The following DLGAP2 variants were observed in gnomAD, a reference collection of about 807,000 sequenced individuals.
DLGAP2 encodes the protein DLG associated protein 2.
Under a neutral mutation model 100.3 loss-of-function variants are expected in DLGAP2, and 26 were observed. That is an observed-to-expected ratio of 0.26 (90% CI 0.19 to 0.36). The LOEUF (loss-of-function observed/expected upper bound fraction) is 0.36, where lower values mean the gene tolerates loss of function less well. Among genes scored for constraint, DLGAP2 ranks in the 10% least tolerant of loss-of-function variants. DLGAP2 has a pLI of 1.00. For synonymous variants in DLGAP2, 886 were observed against 630.1 expected (o/e 1.41, Z -6.08); for missense variants, 1,858 against 1,453.2 (o/e 1.28, Z -4.53).
At chr8:1,484,977 A>AGGCATTAT (rs1269590424) in intron 3 of DLGAP2, among the ~76,000 whole-genome samples, 1 of 152,228 alleles carries the variant, frequency 6.6e-6, no homozygotes, top group African/African-American at 2.4e-5. Flanking sequence ...GTCAATAAGA[A>AGGCATTAT]GGCATTATCT....
intron 2 of DLGAP2, among the ~76,000 whole-genome samples, chr8:966,136 G>A (rs1381918130): frequency 6.6e-6 from 1 of 152,188 alleles, no homozygotes; most frequent in Non-Finnish European, 1.5e-5. Flanking sequence ...CATCATCCTC[G>A]TTTCTTGCAC....
At chr8:1,017,668 G>A (rs895916487) in intron 2 of DLGAP2, among the ~76,000 whole-genome samples, 7 of 152,044 alleles carry the variant, frequency 4.6e-5, no homozygotes, top group Non-Finnish European at 1.0e-4. Context: ...GTGTGACCAG[G>A]AGCCTTTTGG....
intron 4 of DLGAP2, among the ~76,000 whole-genome samples, chr8:1,529,594 G>T (rs924276078): frequency 1.3e-5 from 2 of 152,178 alleles, no homozygotes; most frequent in Admixed American, 6.5e-5. Flanking sequence ...CAAACCCAAG[G>T]CAGGGACTCG....
chr8:1,253,832 G>A (rs1799108046), intron 2 of DLGAP2, among the ~76,000 whole-genome samples: 1 of 152,194 alleles, frequency 6.6e-6, no homozygotes, highest in Non-Finnish European at 1.5e-5. Flanking sequence ...TTTAATGGGT[G>A]TTCCTTGGGG....
At chr8:878,766 G>C (rs997050372) in intron 1 of DLGAP2, among the ~76,000 whole-genome samples, 4 of 152,218 alleles carry the variant, frequency 2.6e-5, no homozygotes, top group Middle Eastern at 3.4e-3. Flanking sequence ...TCTCCTGTTT[G>C]GCTTCTCTTT....
chr8:845,766 C>G (rs762869532), intron 1 of DLGAP2, among the ~76,000 whole-genome samples: 1 of 152,150 alleles, frequency 6.6e-6, no homozygotes, highest in Non-Finnish European at 1.5e-5. Context: ...ATGCTGTTTT[C>G]TTTTAAGAGT....
chr8:1,549,363 G>C lies in DLGAP2; in HGVS notation c.910G>C (p.Asp304His). The C allele has an allele frequency of 6.2e-7, 1 of 1,613,428 alleles. No homozygotes were observed. The highest frequency in any genetic ancestry group is 1.1e-5 in the South Asian group (1 of 91,078). Residue 304 changes from aspartate to histidine, a missense_variant, in exon 5 of 15, where the codon GAC becomes CAC. Transcript: ENST00000637795. Reference sequence around the variant, plus strand: ...CTGGTGGAGCTCGGACGACAACCTGGACAGCGACAGCACCTATCGGACGCC... The same window carrying C: ...CTGGTGGAGCTCGGACGACAACCTGCACAGCGACAGCACCTATCGGACGCC... ...SSWWSSDDNL[D>H]SDSTYRTPSV...
intron 2 of DLGAP2, among the ~76,000 whole-genome samples, chr8:1,207,102 T>C (rs751912631): frequency 6.6e-6 from 1 of 152,310 alleles, no homozygotes; most frequent in Middle Eastern, 3.4e-3. Context: ...CCTTTTTTAT[T>C]TCAATAGATT....
Position 1,023,857 on chromosome 8 carries a change from ATGTGTGTG to A in DLGAP2, c.73+115927_73+115934del, listed in dbSNP as rs149206104. Among the ~76,000 whole-genome samples, 306 of 128,936 alleles carry A rather than the reference ATGTGTGTG, an allele frequency of 2.4e-3. 5 individuals carry two copies. The highest frequency in any genetic ancestry group is 7.0e-3 in the African/African-American group (247 of 35,196). The allele number at this position is 128,936 out of a possible 152,430, so 84.6% of individuals were successfully genotyped here. A position where few individuals can be genotyped will look rare whatever the true frequency, so the allele number is the denominator to read the frequency against. On this transcript the variant is annotated intron_variant, in intron 2 of 14. Coordinates refer to ENST00000637795, the MANE Select transcript of DLGAP2 (RefSeq NM_001346810.2). ...GTCTGCAAGTGCTCAAACTTTATAT[ATGTGTGTG>A]TGTGTGTGTGTGTGTGTGTGTGTGT...
intron 1 of DLGAP2, among the ~76,000 whole-genome samples, chr8:893,303 T>C (rs1798074229): frequency 1.3e-5 from 2 of 152,150 alleles, no homozygotes; most frequent in Admixed American, 6.5e-5. Context: ...GTCCGACAGC[T>C]AGGAAGGCAG....
At chr8:1,079,330 T>G (rs1389781694) in intron 2 of DLGAP2, among the ~76,000 whole-genome samples, 1 of 152,378 alleles carries the variant, frequency 6.6e-6, no homozygotes, top group South Asian at 2.1e-4. Context: ...AAATATTTTC[T>G]CTCAGTCTAT....
At chr8:1,570,790 A>G (rs1234469956) in intron 6 of DLGAP2, among the ~76,000 whole-genome samples, 3 of 123,736 alleles carry the variant, frequency 2.4e-5, no homozygotes, top group East Asian at 2.5e-4. Context: ...GATGAGATGG[A>G]GAGGAGAGAG....
chr8:1,049,423 C>G (rs540516611), intron 2 of DLGAP2, among the ~76,000 whole-genome samples: 8 of 152,236 alleles, frequency 5.3e-5, no homozygotes, highest in African/African-American at 1.9e-4. Flanking sequence ...TCAGCGGCCA[C>G]TGTTGGAATG....
chr8:1,218,718 A>C (rs538626182), intron 2 of DLGAP2, among the ~76,000 whole-genome samples: 1 of 152,176 alleles, frequency 6.6e-6, no homozygotes, highest in African/African-American at 2.4e-5. Context: ...AATTGCTTTG[A>C]TTAGTATGGC....
intron 8 of DLGAP2, 130 bp from the exon 9 acceptor site, chr8:1,668,199 A>G (rs769897890): frequency 4.4e-4 from 359 of 809,246 alleles, no homozygotes; most frequent in Non-Finnish European, 5.6e-4. Context: ...ATTTCACGCT[A>G]TTTTTTTAGG....
At chr8:846,919 C>T (rs1311751879) in intron 1 of DLGAP2, among the ~76,000 whole-genome samples, 1 of 152,206 alleles carries the variant, frequency 6.6e-6, no homozygotes, top group Non-Finnish European at 1.5e-5. Flanking sequence ...TATCCATCTT[C>T]AGACATGATA....
intron 2 of DLGAP2, among the ~76,000 whole-genome samples, chr8:1,180,637 A>T (rs4610780): frequency 2.6e-5 from 4 of 151,084 alleles, no homozygotes; most frequent in African/African-American, 9.7e-5. Flanking sequence ...CAAGCGTGTC[A>T]GTGTGCAAGG....
intron 1 of DLGAP2, among the ~76,000 whole-genome samples, chr8:762,081 T>C (rs1821101988): frequency 1.3e-5 from 2 of 152,208 alleles, no homozygotes; most frequent in Non-Finnish European, 2.9e-5. Context: ...AAGGCTGTGC[T>C]ATGTAACTGT....
intron 2 of DLGAP2, among the ~76,000 whole-genome samples, chr8:1,245,123 G>A (rs1239038799): frequency 6.6e-6 from 1 of 152,318 alleles, no homozygotes; most frequent in South Asian, 2.1e-4. Flanking sequence ...GGAGAAACTG[G>A]AACCTTCATA....
Sources: allele counts gnomAD v4.1 joint callset (sites outside exome capture counted in the v4.1 genomes callset), GRCh38; gene constraint gnomAD v4.1.1; transcripts MANE v1.5; gene names NCBI Gene and HGNC (gene_info 2026-07-23, HGNC 2026-07-21).